The following PRELID3A variants were observed in gnomAD, a reference collection of about 807,000 sequenced individuals.
PRELID3A encodes PRELI domain containing protein 3A.
In PRELID3A, 27 loss-of-function variants were observed where a neutral mutation model predicts 23.0. The observed-to-expected ratio is 1.17, with a 90% CI of 0.87 to 1.62. The LOEUF is 1.62. Among genes scored for constraint, PRELID3A ranks in the 40% most tolerant of loss-of-function variants. The pLI, the probability that PRELID3A is intolerant of heterozygous loss-of-function variation, is 0.00. For missense variants in PRELID3A, 231 were observed against 231.4 expected, an observed-to-expected ratio of 1.00 and a Z score of 0.01; for synonymous variants, 87 against 86.4, an observed-to-expected ratio of 1.01 and a Z score of -0.04.
intron 6 of PRELID3A, 61 bp from the exon 7 acceptor site, chr18:12,431,087 CTT>C (rs34952562): frequency 0.61 from 92,066 of 152,120 alleles, 28,297 homozygotes; most frequent in East Asian, 0.91. Flanking sequence ...TGGTTTATGT[CTT>C]GAGTGTGGTG....
chr18:12,422,850 G>A (rs1465736462), intron 3 of PRELID3A, among the ~76,000 whole-genome samples: 3 of 152,184 alleles, frequency 2.0e-5, no homozygotes, highest in South Asian at 2.1e-4. Context: ...TGAAGTCAGC[G>A]GTGCCCTCAT....
chr18:12,412,500 G>T (rs1307676554), intron 1 of PRELID3A, among the ~76,000 whole-genome samples: 1 of 152,160 alleles, frequency 6.6e-6, no homozygotes, highest in African/African-American at 2.4e-5. Flanking sequence ...ATTGTTTTTC[G>T]AAAATCCATC....
At chr18:12,411,912 CTTTT>C (rs773964175) in intron 1 of PRELID3A, among the ~76,000 whole-genome samples, 1 of 138,088 alleles carries the variant, frequency 7.2e-6, no homozygotes, top group Admixed American at 7.5e-5. Context: ...TCTTTTCTTT[CTTTT>C]TTTTTTTTTT....
In PRELID3A at chr18:12,407,980, A is replaced by T; in HGVS notation, c.5A>T (p.Lys2Met). 1 of 1,298,588 alleles carries T rather than the reference A, an allele frequency of 7.7e-7. No homozygotes were observed. The highest frequency in any genetic ancestry group is 9.8e-7 in the Non-Finnish European group (1 of 1,024,342). 80.4% of individuals were successfully genotyped at this position (1,298,588 alleles called of 1,614,324 possible). M[K>M]IWSSEHVFGH... ...CCGCGCCCTGCGCCGGCGGCAATGAAGATCTGGAGCTCGGAGCACGTGTTT... is the reference window on the plus strand; with the variant it reads ...CCGCGCCCTGCGCCGGCGGCAATGATGATCTGGAGCTCGGAGCACGTGTTT... Residue 2 changes from lysine to methionine, a missense_variant, in exon 1 of 7, where the codon AAG becomes ATG. Transcript: ENST00000440960.
intron 6 of PRELID3A, among the ~76,000 whole-genome samples, chr18:12,430,509 T>C (rs1169281680): frequency 6.7e-6 from 1 of 149,232 alleles, no homozygotes; most frequent in African/African-American, 2.5e-5. Context: ...TGCTGGTGTG[T>C]GATGTGCGTG....
At chr18:12,408,167 A>C (rs889414653) in intron 1 of PRELID3A, among the ~76,000 whole-genome samples, 160 bp downstream of exon 1, 9 of 151,876 alleles carry the variant, frequency 5.9e-5, no homozygotes, top group African/African-American at 2.2e-4. Flanking sequence ...GGCGTCCCGG[A>C]GAGGGCACGC....
intron 1 of PRELID3A, among the ~76,000 whole-genome samples, chr18:12,409,318 C>A (rs1909837225): frequency 6.6e-6 from 1 of 151,760 alleles, no homozygotes; most frequent in East Asian, 1.9e-4. Flanking sequence ...AGGTGTGGGC[C>A]ATCACGCCCG....
At chr18:12,420,021 G>C in intron 1 of PRELID3A, 2 of 766,150 alleles carry the variant, frequency 2.6e-6, no homozygotes, top group Non-Finnish European at 3.7e-6. Flanking sequence ...ATGTTCACTT[G>C]AGCCTGGGAG....
At chr18:12,414,447 C>T (rs796181831) in intron 1 of PRELID3A, among the ~76,000 whole-genome samples, 18 of 152,266 alleles carry the variant, frequency 1.2e-4, no homozygotes, top group African/African-American at 3.6e-4. Context: ...AGTCATTGGC[C>T]GGGCGCCATG....
intron 5 of PRELID3A, 51 bp from the exon 6 acceptor site, chr18:12,429,299 C>T (rs990222647): frequency 5.2e-6 from 8 of 1,528,766 alleles, no homozygotes; most frequent in South Asian, 4.5e-5. Flanking sequence ...TTGCTGTCTG[C>T]AGCGGGAGGC....
chr18:12,429,612 A>G (rs111298774), intron 6 of PRELID3A, among the ~76,000 whole-genome samples, 176 bp downstream of exon 6: 8 of 152,250 alleles, frequency 5.3e-5, no homozygotes, highest in African/African-American at 1.9e-4. Context: ...TTTCTATTTC[A>G]TTCCTTGCTT....
At chr18:12,420,544 C>A in intron 2 of PRELID3A, 51 bp downstream of exon 2, 1 of 1,443,062 alleles carries the variant, frequency 6.9e-7, no homozygotes, top group South Asian at 1.4e-5. Flanking sequence ...CCCCCACTCC[C>A]GCCCCCGCCC....
intron 3 of PRELID3A, among the ~76,000 whole-genome samples, chr18:12,426,395 A>G (rs1386937664): frequency 6.6e-6 from 1 of 150,710 alleles, no homozygotes; most frequent in Admixed American, 6.6e-5. Flanking sequence ...TCTACTAAAA[A>G]TACAAAAAAT....
chr18:12,416,545 A>G (rs2029957432), intron 1 of PRELID3A, among the ~76,000 whole-genome samples: 1 of 152,020 alleles, frequency 6.6e-6, no homozygotes, highest in South Asian at 2.1e-4. Context: ...TTGAGCTCCT[A>G]GCATCAAGCA....
intron 1 of PRELID3A, among the ~76,000 whole-genome samples, chr18:12,419,354 C>T (rs187175345): frequency 0.025 from 3,393 of 137,302 alleles, 141 homozygotes; most frequent in African/African-American, 0.089. Flanking sequence ...GTTGGCCAGG[C>T]GTGGTGGCTT....
chr18:12,421,733 G>T, intron 3 of PRELID3A, 104 bp downstream of exon 3: 1 of 717,426 alleles, frequency 1.4e-6, no homozygotes, highest in South Asian at 1.7e-5. Flanking sequence ...TCTAGGTGTT[G>T]CTTATTTTTA....
intron 3 of PRELID3A, 60 bp downstream of exon 3, chr18:12,421,689 C>T: frequency 1.8e-6 from 2 of 1,137,900 alleles, no homozygotes; most frequent in Non-Finnish European, 2.7e-6. Flanking sequence ...GTGCGTAAGG[C>T]CTTCGTTTAA....
chr18:12,427,576 T>C (rs2030421913), intron 5 of PRELID3A, among the ~76,000 whole-genome samples: 1 of 151,902 alleles, frequency 6.6e-6, no homozygotes, highest in African/African-American at 2.4e-5. Context: ...ACCTCTGTAG[T>C]CCCAGCTACT....
chr18:12,427,071 GA>G lies in PRELID3A; in HGVS notation c.323del (p.Glu108GlyfsTer14), dbSNP rs1568166072. 1 of 1,613,382 alleles carries G rather than the reference GA, an allele frequency of 6.2e-7. No individual in the cohort carries two copies. Among genetic ancestry groups the G allele is most frequent in the Non-Finnish European group, 8.5e-7 (1 of 1,179,402 alleles). On this transcript the variant is annotated frameshift_variant, in exon 4 of 7. Transcript: ENST00000440960. LOFTEE classifies it high-confidence loss of function. ...ITLTNLVSVNERLVYTPHPEN... is the reference protein window; with the variant it reads ...ITLTNLVSVNXRLVYTPHPEN... The stretch of plus-strand genomic sequence containing the variant: ...ACTCACAAATTTGGTGTCAGTTAAT[GA>G]GAGGTTGGTGTACACACCTCATCCA...
Sources: gnomAD v4.1 joint callset for allele counts (sites outside exome capture counted in the v4.1 genomes callset) on GRCh38, gnomAD v4.1.1 for gene constraint, MANE v1.5 for transcripts, NCBI Gene and HGNC (gene_info 2026-07-23, HGNC 2026-07-21) for gene names.